CLMP: variants seen among roughly 807,000 people sequenced by gnomAD.
CLMP encodes CXADR like cell adhesion molecule.
Under a neutral mutation model 45.2 loss-of-function variants are expected in CLMP, and 27 were observed. That is an observed-to-expected ratio of 0.60 (90% CI 0.44 to 0.82). CLMP has a LOEUF of 0.82. Ranked by LOEUF, CLMP falls within the 40% of genes least tolerant of loss-of-function variation. CLMP has a pLI of 0.00. For missense variants in CLMP, 403 were observed against 448.4 expected (o/e 0.90, Z 0.91); for synonymous variants, 167 against 171.4 (o/e 0.97, Z 0.20).
intron 1 of CLMP, among the ~76,000 whole-genome samples, chr11:123,114,447 C>CCTCG (rs1860692155): frequency 7.1e-6 from 1 of 141,308 alleles, no homozygotes; most frequent in African/African-American, 2.6e-5. Flanking sequence ...TCCCTCCCTC[C>CCTCG]CTCTCTCCCT....
At chr11:123,148,316 T>A (rs1441867519) in intron 1 of CLMP, among the ~76,000 whole-genome samples, 2 of 152,166 alleles carry the variant, frequency 1.3e-5, no homozygotes, top group Non-Finnish European at 2.9e-5. Context: ...CACAGATTTG[T>A]CTGAATTCTG....
rs1861962036 is a variant in CLMP at position 123,195,004 on chromosome 11, C to T, written c.-64G>A. On this transcript the variant is annotated 5_prime_UTR_variant, in exon 1 of 7. Transcript: ENST00000448775. ...TGCTTGGCTCCGGGGCGGCCGGGCG[C>T]CTCCGACGGACCTCGGGCGAGCTGG... is the stretch of plus-strand genomic sequence containing the variant. 1 of 1,554,024 alleles carries T rather than the reference C, an allele frequency of 6.4e-7. No homozygotes were observed. The highest frequency in any genetic ancestry group is 8.7e-7 in the Non-Finnish European group (1 of 1,145,062).
At chr11:123,118,177 T>G (rs1860742104) in intron 1 of CLMP, among the ~76,000 whole-genome samples, 1 of 152,204 alleles carries the variant, frequency 6.6e-6, no homozygotes, top group East Asian at 1.9e-4. Flanking sequence ...TTGCCCAGGC[T>G]GGAGTGCAGT....
intron 1 of CLMP, among the ~76,000 whole-genome samples, chr11:123,190,020 A>C (rs1006334195): frequency 2.0e-5 from 3 of 147,636 alleles, no homozygotes; most frequent in Middle Eastern, 3.2e-3. Flanking sequence ...AAAAAAAAAA[A>C]AAACAAAGCT....
intron 2 of CLMP, among the ~76,000 whole-genome samples, chr11:123,096,545 C>A (rs1038419023): frequency 2.0e-5 from 3 of 151,974 alleles, no homozygotes; most frequent in Non-Finnish European, 2.9e-5. Context: ...ATAAATAAAT[C>A]AATAAACCTA....
intron 2 of CLMP, among the ~76,000 whole-genome samples, chr11:123,088,024 C>T (rs944130027): frequency 6.6e-6 from 1 of 151,744 alleles, no homozygotes; most frequent in African/African-American, 2.4e-5. Context: ...GATTCTCCTG[C>T]CTCAGCCTCC....
chr11:123,191,254 T>A (rs569652568), intron 1 of CLMP, among the ~76,000 whole-genome samples: 1 of 152,286 alleles, frequency 6.6e-6, no homozygotes, highest in Non-Finnish European at 1.5e-5. Flanking sequence ...ATTCATGAAA[T>A]AATACTCATG....
intron 1 of CLMP, among the ~76,000 whole-genome samples, chr11:123,156,654 C>G (rs1417739796): frequency 6.6e-6 from 1 of 152,148 alleles, no homozygotes; most frequent in Non-Finnish European, 1.5e-5. Context: ...GCGTCATTTG[C>G]GAGTCTTTAC....
chr11:123,181,854 T>G (rs1361515308), intron 1 of CLMP, among the ~76,000 whole-genome samples: 2 of 152,372 alleles, frequency 1.3e-5, no homozygotes, highest in Admixed American at 6.5e-5. Context: ...AAATCAGCTT[T>G]GTCTGAAACA....
chr11:123,195,043 G>A lies in CLMP; in HGVS notation c.-103C>T, dbSNP rs1861962975. On this transcript the variant is annotated 5_prime_UTR_variant, in exon 1 of 7. Coordinates refer to ENST00000448775, the MANE Select transcript of CLMP (RefSeq NM_024769.5). ...CGGGCGAGCTGGGCGCGGCGCCTCGGGGTGCGCGCGAGGTGGCTGCAGCCA... is the reference window on the plus strand; with the variant it reads ...CGGGCGAGCTGGGCGCGGCGCCTCGAGGTGCGCGCGAGGTGGCTGCAGCCA... 1 of 1,183,258 alleles carries A rather than the reference G, an allele frequency of 8.5e-7. No individual in the cohort carries two copies. The highest frequency in any genetic ancestry group is 1.1e-6 in the Non-Finnish European group (1 of 878,408). 73.3% of individuals were successfully genotyped at this position (1,183,258 alleles called of 1,614,324 possible). A position where few individuals can be genotyped will look rare whatever the true frequency, so the allele number is the denominator to read the frequency against.
intron 1 of CLMP, among the ~76,000 whole-genome samples, chr11:123,140,656 C>T (rs561497966): frequency 2.0e-5 from 3 of 152,242 alleles, no homozygotes; most frequent in African/African-American, 7.2e-5. Context: ...GGATCCTCAA[C>T]CTCAGCACTA....
Position 123,073,712 on chromosome 11 carries a change from C to G in CLMP, c.884G>C (p.Arg295Pro), listed in dbSNP as rs767892280. 5 of 1,613,850 alleles carry G rather than the reference C, an allele frequency of 3.1e-6. No individual in the cohort carries two copies. The highest frequency in any genetic ancestry group is 2.2e-5 in the East Asian group (1 of 44,874). ...GGAGGAAGAACCAGAGCGTGAGCTCCGAGAGCCTGAGGAAGAGGAGCTGGG... is the reference window on the plus strand; with the variant it reads ...GGAGGAAGAACCAGAGCGTGAGCTCGGAGAGCCTGAGGAAGAGGAGCTGGG... ...VKPSSSSSGS[R>P]SSRSGSSSTR... Residue 295 changes from arginine (R) to proline (P), a missense_variant, in exon 7 of 7, where the codon CGG becomes CCG. By Grantham distance (103) the Arg-to-Pro change is moderately radical. Transcript: ENST00000448775.
intron 1 of CLMP, among the ~76,000 whole-genome samples, chr11:123,190,574 G>A (rs983363350): frequency 1.3e-5 from 2 of 152,186 alleles, no homozygotes; most frequent in Non-Finnish European, 2.9e-5. Flanking sequence ...TTGATTTCCA[G>A]TCCTGTTCCT....
chr11:123,170,266 A>G (rs1861612528), intron 1 of CLMP, among the ~76,000 whole-genome samples: 1 of 152,124 alleles, frequency 6.6e-6, no homozygotes, highest in South Asian at 2.1e-4. Flanking sequence ...CACATTATAC[A>G]GGGTTAAATC....
intron 1 of CLMP, among the ~76,000 whole-genome samples, chr11:123,150,500 G>GC (rs1221011014): frequency 4.8e-5 from 5 of 103,896 alleles, no homozygotes; most frequent in South Asian, 8.0e-4. Flanking sequence ...AGGAAGGAAG[G>GC]AAGGAAGGAA....
At chr11:123,191,553 G>T (rs1037829630) in intron 1 of CLMP, 1 of 152,144 alleles carries the variant, frequency 6.6e-6, no homozygotes, top group African/African-American at 2.4e-5. Flanking sequence ...AAATAAATTT[G>T]TATGACAAAT....
intron 1 of CLMP, among the ~76,000 whole-genome samples, chr11:123,178,450 T>G (rs894620799): frequency 1.3e-5 from 2 of 152,224 alleles, no homozygotes; most frequent in African/African-American, 4.8e-5. Flanking sequence ...ACACCCAAGC[T>G]GAATCCTAGC....
intron 1 of CLMP, among the ~76,000 whole-genome samples, chr11:123,186,027 G>A (rs1359225295): frequency 3.3e-5 from 5 of 152,142 alleles, no homozygotes; most frequent in African/African-American, 1.2e-4. Flanking sequence ...GTGTGTCACT[G>A]TACCTATGTG....
chr11:123,096,991 G>A (rs148200915), intron 2 of CLMP, among the ~76,000 whole-genome samples: 188 of 151,806 alleles, frequency 1.2e-3, no homozygotes, highest in South Asian at 4.8e-3. Context: ...TGGGACTATG[G>A]GCATGTGGCA....
Sources: allele counts gnomAD v4.1 joint callset (sites outside exome capture counted in the v4.1 genomes callset), GRCh38; gene constraint gnomAD v4.1.1; transcripts MANE v1.5; gene names NCBI Gene and HGNC (gene_info 2026-07-23, HGNC 2026-07-21).